Variants in LDB2 observed in about 807,000 individuals in gnomAD.
LDB2 encodes LIM domain binding 2, also known as LIM domain-binding protein 2.
In LDB2, 12 loss-of-function variants were observed where a neutral mutation model predicts 44.3. The ratio of observed to expected loss-of-function variants is 0.27; its 90% CI spans 0.17 to 0.44. The LOEUF (loss-of-function observed/expected upper bound fraction) is 0.44. LDB2 is among the 20% of genes least tolerant of loss of function. The pLI is 1.00. For missense variants in LDB2, 344 were observed against 473.5 expected, an observed-to-expected ratio of 0.73 and a Z score of 2.54; for synonymous variants, 164 against 174.8, an observed-to-expected ratio of 0.94 and a Z score of 0.49.
chr4:16,529,719 C>G (rs980043979), intron 5 of LDB2, among the ~76,000 whole-genome samples: 2 of 152,164 alleles, frequency 1.3e-5, no homozygotes, highest in Non-Finnish European at 2.9e-5. Flanking sequence ...TCCTTGTCCC[C>G]TGGGTCCTTT....
In LDB2 at chr4:16,502,713, G is replaced by T. The variant is rs751472745; in HGVS notation, c.1052C>A (p.Pro351Gln). ...NNSPALGNNS[P>Q]WNSKPPATQE... ...AGTGGCGGGAGGTTTACTGTTCCAC[G>T]GGCTGTTGTTCCCCAGCGCGGGTGA... The change falls in exon 8 of 8, where the codon CCG becomes CAG. Residue 351 changes from proline (P) to glutamine (Q), a missense_variant. Around this residue, in one of 3 missense-constraint regions of LDB2, gnomAD observed 32 missense variants for 32.3 expected, o/e 0.99. Transcript: ENST00000304523. 6.2e-7 allele frequency: 1 copy of T among 1,613,734 alleles called. No individual in the cohort carries two copies. Among genetic ancestry groups the T allele is most frequent in the African/African-American group, 1.3e-5 (1 of 74,838 alleles).
Position 16,578,125 on chromosome 4 carries a change from T to G in LDB2, c.615+7797A>C, listed in dbSNP as rs187184585. On this transcript the variant is annotated intron_variant, in intron 5 of 7. Coordinates refer to ENST00000304523, the MANE Select transcript of LDB2 (RefSeq NM_001290.5). ...CTATGAAACTACTAAAAGAAAACAA[T>G]GGGGAAACTCTCCACGACTTTGGAC... 4.9e-3 allele frequency among the ~76,000 whole-genome samples: 741 copies of G among 152,048 alleles called. 10 individuals are homozygous for G. Among genetic ancestry groups the G allele is most frequent in the Admixed American group, 0.032 (482 of 15,274 alleles).
intron 1 of LDB2, among the ~76,000 whole-genome samples, chr4:16,827,624 T>G (rs752985901): frequency 6.6e-6 from 1 of 152,196 alleles, no homozygotes; most frequent in Non-Finnish European, 1.5e-5. Context: ...CGTGTGTGTG[T>G]AATGTGGAAT....
chr4:16,760,656 C>T (rs538428908), intron 1 of LDB2, among the ~76,000 whole-genome samples: 1 of 152,062 alleles, frequency 6.6e-6, no homozygotes, highest in South Asian at 2.1e-4. Flanking sequence ...GAGACTGGTC[C>T]CTACCCTCAA....
At chr4:16,869,866 G>A (rs1432603232) in intron 1 of LDB2, among the ~76,000 whole-genome samples, 2 of 152,184 alleles carry the variant, frequency 1.3e-5, no homozygotes, top group Non-Finnish European at 2.9e-5. Context: ...TGCAAATTTG[G>A]AAGTGATCTA....
At chr4:16,841,768 C>T (rs1423855299) in intron 1 of LDB2, among the ~76,000 whole-genome samples, 1 of 152,160 alleles carries the variant, frequency 6.6e-6, no homozygotes, top group African/African-American at 2.4e-5. Flanking sequence ...TGAACAACTA[C>T]AATACTTTAG....
At chr4:16,741,930 A>T (rs931643477) in intron 2 of LDB2, among the ~76,000 whole-genome samples, 1 of 152,204 alleles carries the variant, frequency 6.6e-6, no homozygotes, top group African/African-American at 2.4e-5. Context: ...GGCTCTTGCT[A>T]TCTTGTTTAA....
intron 3 of LDB2, among the ~76,000 whole-genome samples, chr4:16,593,644 G>A (rs910824414): frequency 1.3e-5 from 2 of 152,080 alleles, no homozygotes; most frequent in South Asian, 2.1e-4. Flanking sequence ...TTCAAGAGTC[G>A]GCAAATATAC....
chr4:16,525,738 T>C (rs1727983268), intron 5 of LDB2, among the ~76,000 whole-genome samples: 1 of 152,168 alleles, frequency 6.6e-6, no homozygotes. Context: ...ACAAAAGATA[T>C]ATACTATGTC....
chr4:16,883,890 G>A (rs1357274575), intron 1 of LDB2, among the ~76,000 whole-genome samples: 3 of 152,024 alleles, frequency 2.0e-5, no homozygotes, highest in African/African-American at 2.4e-5. Flanking sequence ...CTTGGCTTAC[G>A]GGAACTTTGC....
At chr4:16,754,558 C>T (rs145920847) in intron 2 of LDB2, among the ~76,000 whole-genome samples, 5 of 149,504 alleles carry the variant, frequency 3.3e-5, no homozygotes, top group African/African-American at 7.4e-5. Context: ...GACAGAGTCT[C>T]GCTCTGTCAC....
intron 1 of LDB2, among the ~76,000 whole-genome samples, chr4:16,791,494 G>A (rs1326303399): frequency 2.1e-5 from 3 of 145,448 alleles, no homozygotes; most frequent in Non-Finnish European, 4.5e-5. Context: ...GGCGGAGGTT[G>A]CAGTGAGCTG....
chr4:16,600,540 T>C (rs1722297029), intron 2 of LDB2, among the ~76,000 whole-genome samples: 1 of 152,188 alleles, frequency 6.6e-6, no homozygotes, highest in Non-Finnish European at 1.5e-5. Flanking sequence ...AATCACACAT[T>C]AAATTATTCA....
chr4:16,853,440 T>A (rs1168851141), intron 1 of LDB2, among the ~76,000 whole-genome samples: 1 of 152,160 alleles, frequency 6.6e-6, no homozygotes, highest in South Asian at 2.1e-4. Flanking sequence ...AGATACCACC[T>A]CACATCTGTT....
chr4:16,532,573 T>C (rs1730511862), intron 5 of LDB2, among the ~76,000 whole-genome samples: 1 of 152,222 alleles, frequency 6.6e-6, no homozygotes, highest in African/African-American at 2.4e-5. Flanking sequence ...ACTTTATTAG[T>C]AAAGTCTTAG....
chr4:16,676,893 G>A (rs1350857399), intron 2 of LDB2, among the ~76,000 whole-genome samples: 1 of 152,182 alleles, frequency 6.6e-6, no homozygotes, highest in Admixed American at 6.5e-5. Context: ...TGGGAGAGTA[G>A]GGCAAAGGGC....
At chr4:16,698,249 T>G (rs1181344161) in intron 2 of LDB2, among the ~76,000 whole-genome samples, 2 of 152,370 alleles carry the variant, frequency 1.3e-5, no homozygotes, top group African/African-American at 4.8e-5. Flanking sequence ...ACATGTGTCT[T>G]GATACACTCA....
chr4:16,814,509 C>T (rs554550646), intron 1 of LDB2, among the ~76,000 whole-genome samples: 33 of 149,758 alleles, frequency 2.2e-4, no homozygotes, highest in African/African-American at 7.3e-4. Context: ...CCTGATTCTT[C>T]AGCCTCCCTG....
intron 2 of LDB2, among the ~76,000 whole-genome samples, chr4:16,735,613 C>T (rs556463763): frequency 2.0e-4 from 31 of 151,608 alleles, no homozygotes; most frequent in Middle Eastern, 6.8e-3. Context: ...ACCTGGCAAA[C>T]ACTACCTTAA....
Sources: gnomAD v4.1 joint callset for allele counts (sites outside exome capture counted in the v4.1 genomes callset) on GRCh38, gnomAD v4.1.1 for gene constraint, gnomAD v4.1.1 regional missense constraint, MANE v1.5 for transcripts, NCBI Gene and HGNC (gene_info 2026-07-23, HGNC 2026-07-21) for gene names.